Variants in PLEKHA7 observed in about 807,000 individuals in gnomAD.
PLEKHA7 encodes pleckstrin homology domain containing A7.
Under a neutral mutation model 170.0 loss-of-function variants are expected in PLEKHA7, and 104 were observed. The ratio of observed to expected loss-of-function variants is 0.61; its 90% CI spans 0.52 to 0.72. PLEKHA7 has a LOEUF of 0.72. Among genes scored for constraint, PLEKHA7 ranks in the 30% least tolerant of loss-of-function variants. The pLI is 0.00. For synonymous variants in PLEKHA7, 648 were observed against 660.8 expected, an observed-to-expected ratio of 0.98 and a Z score of 0.30; for missense variants, 1,615 against 1,671.7, an observed-to-expected ratio of 0.97 and a Z score of 0.59.
Position 17,014,105 on chromosome 11 carries a change from C to T in PLEKHA7, c.163+20G>A. The T allele has an allele frequency of 6.3e-7, 1 of 1,591,766 alleles. No individual in the cohort carries two copies. The highest frequency in any genetic ancestry group is 8.5e-7 in the Non-Finnish European group (1 of 1,170,528). ...GGGCCGCCGCTGCGCGCGCCCCCCA[C>T]CCGCCGGCCCGGCGCCCACCTGAGC... On this transcript the variant is annotated intron_variant, in intron 2 of 26. Transcript: ENST00000531066.
At chr11:16,787,116 G>T in intron 23 of PLEKHA7, 1 of 985,432 alleles carries the variant, frequency 1.0e-6, no homozygotes, top group Non-Finnish European at 1.2e-6. Flanking sequence ...TAACCGATAA[G>T]ATCCAACCAT....
At chr11:16,830,522 C>T (rs532584348) in intron 9 of PLEKHA7, among the ~76,000 whole-genome samples, 26 of 152,314 alleles carry the variant, frequency 1.7e-4, no homozygotes, top group Middle Eastern at 3.4e-3. Flanking sequence ...AGATAAAGAG[C>T]ACCTTGTCAT....
At chr11:16,860,092 T>C (rs996864972) in intron 4 of PLEKHA7, among the ~76,000 whole-genome samples, 6 of 152,188 alleles carry the variant, frequency 3.9e-5, no homozygotes, top group African/African-American at 1.4e-4. Context: ...TCCTCCCATC[T>C]GAAATGAACA....
intron 17 of PLEKHA7, among the ~76,000 whole-genome samples, chr11:16,799,359 G>A (rs1377575625): frequency 1.3e-5 from 2 of 152,174 alleles, no homozygotes; most frequent in African/African-American, 4.8e-5. Context: ...GGTCTAGAAG[G>A]CAATGCCACC....
intron 3 of PLEKHA7, among the ~76,000 whole-genome samples, chr11:16,960,752 G>A (rs993005471): frequency 1.3e-5 from 2 of 152,162 alleles, no homozygotes; most frequent in South Asian, 2.1e-4. Flanking sequence ...CAACGACTGT[G>A]TAACAGCTAC....
chr11:16,895,117 C>T (rs764739501), intron 3 of PLEKHA7, among the ~76,000 whole-genome samples: 1 of 152,082 alleles, frequency 6.6e-6, no homozygotes, highest in African/African-American at 2.4e-5. Flanking sequence ...ACGGCCAAAC[C>T]GATTCCTTAC....
At chr11:17,013,683 G>C (rs950362579) in intron 3 of PLEKHA7, among the ~76,000 whole-genome samples, 1 of 152,232 alleles carries the variant, frequency 6.6e-6, no homozygotes, top group African/African-American at 2.4e-5. Context: ...CCAGACCCTA[G>C]AGGGGAGGCG....
chr11:16,980,481 G>A lies in PLEKHA7; in HGVS notation c.221+33508C>T, dbSNP rs189517986. Reference sequence around the variant, plus strand: ...AGTCTGTTTTCCTGGATCCACAGCCGCCTCCCACAGGGCAATCCTGGCAGA... The same window carrying A: ...AGTCTGTTTTCCTGGATCCACAGCCACCTCCCACAGGGCAATCCTGGCAGA... On this transcript the variant is annotated intron_variant, in intron 3 of 26. Coordinates refer to ENST00000531066, the MANE Select transcript of PLEKHA7 (RefSeq NM_001329630.2). Among the ~76,000 whole-genome samples, 22 of 152,332 alleles carry A rather than the reference G, an allele frequency of 1.4e-4. No individual in the cohort carries two copies. The South Asian group carries it at 3.1e-3, about 22-fold the overall frequency.
Position 16,897,316 on chromosome 11 carries a change from T to C in PLEKHA7, c.222-26134A>G, listed in dbSNP as rs565272649. Among the ~76,000 whole-genome samples, 8 of 152,292 alleles carry C rather than the reference T, an allele frequency of 5.3e-5. No homozygotes were observed. In the South Asian group the frequency reaches 1.7e-3, roughly 32 times the overall value. ...GTGGGGGCGAGAGACGTCATCATCT[T>C]GTCTCCTTCAGACTGAGCTCCAAGA... On this transcript the variant is annotated intron_variant, in intron 3 of 26. Coordinates refer to ENST00000531066, the MANE Select transcript of PLEKHA7 (RefSeq NM_001329630.2).
At chr11:16,874,125 ATGCTT>A (rs1430511069) in intron 3 of PLEKHA7, among the ~76,000 whole-genome samples, 3 of 152,204 alleles carry the variant, frequency 2.0e-5, no homozygotes, top group Admixed American at 2.0e-4. Flanking sequence ...ATCTCTATAA[ATGCTT>A]TGCAGTTTTA....
At chr11:16,895,199 T>C (rs905924167) in intron 3 of PLEKHA7, among the ~76,000 whole-genome samples, 1 of 152,158 alleles carries the variant, frequency 6.6e-6, no homozygotes, top group Non-Finnish European at 1.5e-5. Context: ...ATTAGGGGCC[T>C]CCATCCTCTG....
At chr11:16,880,009 G>A (rs1855593645) in intron 3 of PLEKHA7, among the ~76,000 whole-genome samples, 1 of 152,222 alleles carries the variant, frequency 6.6e-6, no homozygotes, top group Non-Finnish European at 1.5e-5. Context: ...CAGCAGCCAT[G>A]AGAACATTAA....
chr11:16,876,731 C>T (rs1435582952), intron 3 of PLEKHA7, among the ~76,000 whole-genome samples: 1 of 152,210 alleles, frequency 6.6e-6, no homozygotes, highest in Non-Finnish European at 1.5e-5. Flanking sequence ...ACAGACAAGG[C>T]TAGTCAAAAT....
chr11:16,918,408 C>T (rs1043899609), intron 3 of PLEKHA7, among the ~76,000 whole-genome samples: 1 of 152,186 alleles, frequency 6.6e-6, no homozygotes, highest in Non-Finnish European at 1.5e-5. Flanking sequence ...TGGAAGGCAG[C>T]AGGTGGCTAT....
rs977251904 is a variant in PLEKHA7, at chr11:16,791,396, C to T, written c.2746-197G>A. On this transcript the variant is annotated intron_variant, in intron 19 of 26. Transcript: ENST00000531066. This position sits in a 1 kb window ranked among gnomAD's most constrained non-coding sequence, Gnocchi z 4.5. ...AGGGACATGCTCTGCTCCTCTATCC[C>T]CTCAGAGGTATACAGTTTCTATTCC... 1 of 620,804 alleles carries T rather than the reference C, an allele frequency of 1.6e-6. No individual in the cohort carries two copies. The highest frequency in any genetic ancestry group is 2.9e-6 in the Non-Finnish European group (1 of 348,596). 38.5% of individuals were successfully genotyped at this position (620,804 alleles called of 1,614,324 possible). A position where few individuals can be genotyped will look rare whatever the true frequency, so the allele number is the denominator to read the frequency against.
At chr11:16,797,649 C>A (rs951297243) in intron 17 of PLEKHA7, among the ~76,000 whole-genome samples, 1 of 152,192 alleles carries the variant, frequency 6.6e-6, no homozygotes, top group Non-Finnish European at 1.5e-5. Flanking sequence ...GGGTTTGATT[C>A]TCAGCTCCAT....
At chr11:16,998,317 A>C (rs1864461450) in intron 3 of PLEKHA7, among the ~76,000 whole-genome samples, 2 of 152,172 alleles carry the variant, frequency 1.3e-5, no homozygotes, top group South Asian at 4.2e-4. Flanking sequence ...ACAAACAAAC[A>C]AACTCTCAAA....
chr11:16,872,412 G>A (rs1260532554), intron 3 of PLEKHA7, among the ~76,000 whole-genome samples: 2 of 152,142 alleles, frequency 1.3e-5, no homozygotes, highest in African/African-American at 4.8e-5. Flanking sequence ...TGATTTTAGT[G>A]TATATAAAAA....
chr11:16,980,631 C>A lies in PLEKHA7; in HGVS notation c.221+33358G>T, dbSNP rs192460265. Among the ~76,000 whole-genome samples the A allele has an allele frequency of 4.0e-3, 604 of 152,192 alleles. 2 individuals carry two copies. The highest frequency in any genetic ancestry group is 0.02 in the Middle Eastern group (6 of 294). ...TTGGGGGGGATAGGGGAATAAAAAA[C>A]CAGCAAGATGGCCAGGTACAGTGGC... On this transcript the variant is annotated intron_variant, in intron 3 of 26. Coordinates refer to ENST00000531066, the MANE Select transcript of PLEKHA7 (RefSeq NM_001329630.2).
Sources: allele counts gnomAD v4.1 joint callset (sites outside exome capture counted in the v4.1 genomes callset), GRCh38; gene constraint gnomAD v4.1.1; non-coding constraint Gnocchi (gnomAD v3.1); transcripts MANE v1.5; gene names NCBI Gene and HGNC (gene_info 2026-07-23, HGNC 2026-07-21).